Variants in MTARC1 observed in about 807,000 individuals in gnomAD.
The protein encoded by MTARC1 is mitochondrial amidoxime reducing component 1, also known as mitochondrial amidoxime-reducing component 1.
Under a neutral mutation model 33.6 loss-of-function variants are expected in MTARC1, and 24 were observed. That is an observed-to-expected ratio of 0.72 (90% CI 0.52 to 1.01). The LOEUF (loss-of-function observed/expected upper bound fraction) is 1.01. Ranked by LOEUF, MTARC1 falls within the 50% of genes least tolerant of loss-of-function variation. The pLI, the probability that MTARC1 is intolerant of heterozygous loss-of-function variation, is 0.00. For synonymous variants in MTARC1, 187 were observed against 189.5 expected (o/e 0.99, Z 0.11); for missense variants, 417 against 445.7 (o/e 0.94, Z 0.58).
rs2807841 is a variant in MTARC1, at chr1:220,814,843, C to G, written c.*1425C>G. 127,710 of 152,250 alleles carry G rather than the reference C, an allele frequency of 0.84. 53,740 individuals carry two copies. Among genetic ancestry groups the G allele is most frequent in the Non-Finnish European group, 0.86 (58,791 of 68,024 alleles). The allele number at this position is 152,250 out of a possible 1,614,324, so 9.4% of individuals were successfully genotyped here. A position where few individuals can be genotyped will look rare whatever the true frequency, so the allele number is the denominator to read the frequency against. On this transcript the variant is annotated 3_prime_UTR_variant, in exon 7 of 7. Transcript: ENST00000366910. ...GCTGGGTCTTCTGCATAATGGACCT[C>G]CTCACCCACAGCCTCCCAGGCAAGC... is the stretch of plus-strand genomic sequence containing the variant.
chr1:220,810,304 T>G (rs759488430), intron 6 of MTARC1, among the ~76,000 whole-genome samples: 1 of 152,212 alleles, frequency 6.6e-6, no homozygotes, highest in Non-Finnish European at 1.5e-5. Context: ...GCAATACCTC[T>G]TAGTGCCACA....
rs143984829 is a variant in MTARC1, at chr1:220,807,068, A to G, written c.887+1794A>G. ...TTTCTCAATACTCAAAACATTAACAACTTTTCTGTAAAAAGCTAATATTGT... is the reference window on the plus strand; with the variant it reads ...TTTCTCAATACTCAAAACATTAACAGCTTTTCTGTAAAAAGCTAATATTGT... On this transcript the variant is annotated intron_variant, in intron 6 of 6. Transcript: ENST00000366910. Among the ~76,000 whole-genome samples, 1,297 of 152,188 alleles carry G rather than the reference A, an allele frequency of 8.5e-3. 8 individuals carry two copies. The highest frequency in any genetic ancestry group is 0.022 in the South Asian group (108 of 4,824).
At chr1:220,791,183 A>G in intron 1 of MTARC1, 1 of 207,764 alleles carries the variant, frequency 4.8e-6, no homozygotes, top group Non-Finnish European at 9.9e-6. Context: ...AATGAAAGTG[A>G]TCAGGCTTTC....
At chr1:220,797,586 G>GAGGCTT (rs1558087420) in intron 3 of MTARC1, among the ~76,000 whole-genome samples, 1 of 152,238 alleles carries the variant, frequency 6.6e-6, no homozygotes, top group African/African-American at 2.4e-5. Flanking sequence ...TGAGAAATGG[G>GAGGCTT]AGGCTTAGAA....
At chr1:220,811,451 A>T (rs550797794) in intron 6 of MTARC1, among the ~76,000 whole-genome samples, 20 of 152,236 alleles carry the variant, frequency 1.3e-4, no homozygotes, top group Non-Finnish European at 2.2e-4. Flanking sequence ...TGCTGCCTAC[A>T]GGATGTTTAC....
intron 4 of MTARC1, among the ~76,000 whole-genome samples, chr1:220,804,172 T>C (rs1672897573): frequency 6.6e-6 from 1 of 152,086 alleles, no homozygotes; most frequent in African/African-American, 2.4e-5. Context: ...GGAGTCCCCT[T>C]ACCCTTCTTT....
At chr1:220,788,840 A>G (rs1156387143) in intron 1 of MTARC1, among the ~76,000 whole-genome samples, 1 of 152,104 alleles carries the variant, frequency 6.6e-6, no homozygotes, top group African/African-American at 2.4e-5. Context: ...GGCTCTGAAA[A>G]GTGGTAGAGT....
At chr1:220,792,596 C>A (rs12038224) in intron 2 of MTARC1, among the ~76,000 whole-genome samples, 2 of 149,576 alleles carry the variant, frequency 1.3e-5, no homozygotes, top group African/African-American at 4.9e-5. Flanking sequence ...AATTTGGTGG[C>A]TTTTCAGATT....
intron 6 of MTARC1, among the ~76,000 whole-genome samples, chr1:220,805,689 C>G (rs1044197203): frequency 3.3e-5 from 5 of 152,098 alleles, no homozygotes; most frequent in African/African-American, 7.2e-5. Flanking sequence ...ACATCTGGAA[C>G]TTGCCATATA....
rs940997229 is a variant in MTARC1 at position 220,813,415 on chromosome 1, G to A, written c.1011G>A (p.Gln337=). ...GAGACCCTGTGTACCTGCTGGGCCA[G>A]TAATGGGAACCGTATGTCCTGGAAT... is the stretch of plus-strand genomic sequence containing the variant. The part of the protein sequence containing the change: ...KVGDPVYLLG[Q] The change falls in exon 7 of 7, where the codon CAG becomes CAA. Residue 337 remains glutamine, a synonymous_variant. Transcript: ENST00000366910. The A allele has an allele frequency of 3.1e-6, 5 of 1,614,070 alleles. No individual in the cohort carries two copies. Among genetic ancestry groups the A allele is most frequent in the Non-Finnish European group, 3.4e-6 (4 of 1,180,032 alleles).
intron 1 of MTARC1, among the ~76,000 whole-genome samples, chr1:220,788,007 C>CAAAAAAAAAAA (rs998849065): frequency 6.6e-6 from 1 of 150,564 alleles, no homozygotes; most frequent in Non-Finnish European, 1.5e-5. Flanking sequence ...GACTCCGAAT[C>CAAAAAAAAAAA]AAAAAAAGAA....
At chr1:220,812,510 A>G (rs1033978648) in intron 6 of MTARC1, among the ~76,000 whole-genome samples, 2 of 152,224 alleles carry the variant, frequency 1.3e-5, no homozygotes, top group African/African-American at 4.8e-5. Flanking sequence ...GGAATGAGGA[A>G]AAGCAAGCCA....
intron 4 of MTARC1, chr1:220,798,393 C>T (rs193014274): frequency 4.3e-6 from 5 of 1,175,288 alleles, no homozygotes; most frequent in African/African-American, 3.2e-5. Context: ...GTAGACGGCT[C>T]TCTTGGAGAA....
rs1429119599 is a variant in MTARC1 at position 220,808,944 on chromosome 1, G to A, written c.887+3670G>A. 3 of 470,780 alleles carry A rather than the reference G, an allele frequency of 6.4e-6. No individual in the cohort carries two copies. The East Asian group carries it at 2.1e-4, about 33-fold the overall frequency. The allele number at this position is 470,780 out of a possible 1,614,324, so 29.2% of individuals were successfully genotyped here. ...GCTTCCATGACATTTTGCCCCTAAT[G>A]GAAAGAATATAGCACAGTTACTGCA... On this transcript the variant is annotated intron_variant, in intron 6 of 6. Coordinates refer to ENST00000366910, the MANE Select transcript of MTARC1 (RefSeq NM_022746.4).
chr1:220,797,251 T>C (rs2807834), intron 3 of MTARC1, among the ~76,000 whole-genome samples: 1 of 151,862 alleles, frequency 6.6e-6, no homozygotes, highest in East Asian at 1.9e-4. Flanking sequence ...AAGCAGGGTT[T>C]GTAGTACCAT....
At position 220,788,378 on chromosome 1, in the gene MTARC1, T is replaced by G. The variant is rs557491172; in HGVS notation, c.275+1159T>G. On this transcript the variant is annotated intron_variant, in intron 1 of 6. Coordinates refer to ENST00000366910, the MANE Select transcript of MTARC1 (RefSeq NM_022746.4). ...AGTTCAGCAAGTAACACAGGACTAA[T>G]GGGAGCTGTAACCTTTCTCCTACCA... 2.6e-3 allele frequency among the ~76,000 whole-genome samples: 393 copies of G among 152,310 alleles called. 2 individuals are homozygous for G. The highest frequency in any genetic ancestry group is 9.2e-3 in the African/African-American group (384 of 41,580).
chr1:220,812,129 G>T (rs1673150867), intron 6 of MTARC1, among the ~76,000 whole-genome samples: 1 of 152,202 alleles, frequency 6.6e-6, no homozygotes. Flanking sequence ...AAAGCATGGG[G>T]ACCTGGAGGA....
chr1:220,787,043 G>A lies in MTARC1; in HGVS notation c.99G>A (p.Val33=). 7.2e-7 allele frequency: 1 copy of A among 1,383,132 alleles called. No individual in the cohort carries two copies. Among genetic ancestry groups the A allele is most frequent in the Non-Finnish European group, 9.3e-7 (1 of 1,076,800 alleles). 85.7% of individuals were successfully genotyped at this position (1,383,132 alleles called of 1,614,324 possible). A position where few individuals can be genotyped will look rare whatever the true frequency, so the allele number is the denominator to read the frequency against. The change falls in exon 1 of 7, where the codon GTG becomes GTA. Residue 33 remains valine (V), a synonymous_variant. Transcript: ENST00000366910. The part of the protein sequence containing the change: ...LGVAALGLTA[V]ALGAVAWRRA... The stretch of plus-strand genomic sequence containing the variant: ...TTGCCGCGCTGGGCCTGACCGCGGT[G>A]GCGCTGGGGGCTGTCGCCTGGCGCC...
At chr1:220,806,281 C>T (rs935364131) in intron 6 of MTARC1, among the ~76,000 whole-genome samples, 2 of 152,146 alleles carry the variant, frequency 1.3e-5, no homozygotes, top group Non-Finnish European at 2.9e-5. Flanking sequence ...AGTCACAGGC[C>T]AGGTGTCAGG....
Sources: gnomAD v4.1 joint callset for allele counts (sites outside exome capture counted in the v4.1 genomes callset) on GRCh38, gnomAD v4.1.1 for gene constraint, MANE v1.5 for transcripts, NCBI Gene and HGNC (gene_info 2026-07-23, HGNC 2026-07-21) for gene names.